Variants in B2M observed in about 807,000 individuals in gnomAD.
The protein encoded by B2M is beta chain of MHC class I molecules.
B2M carries 3 observed loss-of-function variants against 14.5 expected under a neutral mutation model. That is an observed-to-expected ratio of 0.21 (90% CI 0.09 to 0.53). B2M has a LOEUF of 0.53. Ranked by LOEUF, B2M falls within the 20% of genes least tolerant of loss-of-function variation. B2M has a pLI of 0.95. For missense variants in B2M, 107 were observed against 140.8 expected (o/e 0.76, Z 1.21); for synonymous variants, 45 against 52.7 (o/e 0.85, Z 0.64).
At chr15:44,712,794 T>C (rs1394146769) in intron 1 of B2M, 2 of 152,370 alleles carry the variant, frequency 1.3e-5, no homozygotes, top group East Asian at 3.8e-4. Context: ...AGGTCCGTAG[T>C]TGAGACCAGC....
intron 1 of B2M, chr15:44,714,948 G>A: frequency 4.5e-5 from 9 of 200,738 alleles, no homozygotes; most frequent in East Asian, 1.4e-4. Context: ...AAAAATGGAA[G>A]GGGTGGAAAC....
At chr15:44,716,254 A>T (rs1595999893) in intron 2 of B2M, 75 bp from the exon 3 acceptor site, 2 of 1,511,420 alleles carry the variant, frequency 1.3e-6, no homozygotes, top group East Asian at 4.5e-5. Flanking sequence ...ACCATTTTAG[A>T]CATTTGTTAG....
At chr15:44,711,982 G>C (rs951882518) in intron 1 of B2M, 27 of 416,850 alleles carry the variant, frequency 6.5e-5, no homozygotes, top group South Asian at 4.8e-4. Flanking sequence ...CAGCTGGAGT[G>C]GGGGACGGGT....
intron 1 of B2M, chr15:44,714,957 A>G: frequency 4.5e-6 from 1 of 220,858 alleles, no homozygotes; most frequent in Non-Finnish European, 9.2e-6. Context: ...AGGGGTGGAA[A>G]CAGAGTACAA....
chr15:44,713,928 G>T (rs1439638176), intron 1 of B2M: 1 of 152,252 alleles, frequency 6.6e-6, no homozygotes, highest in East Asian at 1.9e-4. Context: ...AGACAAGGAG[G>T]AGTAGCTGCC....
At chr15:44,714,401 G>A (rs2086918898) in intron 1 of B2M, 1 of 151,982 alleles carries the variant, frequency 6.6e-6, no homozygotes. Context: ...CAAAGTCAGA[G>A]AGGGGTCTGG....
chr15:44,716,598 T>C, intron 3 of B2M: 1 of 567,480 alleles, frequency 1.8e-6, no homozygotes, highest in Non-Finnish European at 3.1e-6. Context: ...ACTGCCAGTA[T>C]GGTATTGCAG....
chr15:44,716,570 TA>T, intron 3 of B2M: 1 of 600,794 alleles, frequency 1.7e-6, no homozygotes, highest in Non-Finnish European at 2.9e-6. Context: ...ACTGACCCTC[TA>T]CAGAGAGGGC....
intron 1 of B2M, 148 bp downstream of exon 1, chr15:44,711,761 G>C (rs1000272307): frequency 9.2e-7 from 1 of 1,084,406 alleles, no homozygotes; most frequent in Non-Finnish European, 1.4e-6. Flanking sequence ...CTGGATCTCG[G>C]GGAAGCGGCG....
At chr15:44,716,552 G>A in intron 3 of B2M, 196 bp downstream of exon 3, 2 of 633,164 alleles carry the variant, frequency 3.2e-6, no homozygotes, top group Admixed American at 5.6e-5. Context: ...CCCAGGTATG[G>A]CCATATTACT....
Position 44,718,045 on chromosome 15 carries a change from A to G in B2M, c.*453A>G, listed in dbSNP as rs936455997. On this transcript the variant is annotated 3_prime_UTR_variant, in exon 4 of 4. Transcript: ENST00000648006. ...TAATGAATGAAACATTTTGTCATAT[A>G]AGATTCATATTTACTTCTTATACAT... 32 of 152,244 alleles carry G rather than the reference A, an allele frequency of 2.1e-4. No individual in the cohort carries two copies. Among genetic ancestry groups the G allele is most frequent in the African/African-American group, 7.5e-4 (31 of 41,452 alleles). The allele number at this position is 152,244 out of a possible 1,614,324, so 9.4% of individuals were successfully genotyped here.
At chr15:44,714,932 A>C in intron 1 of B2M, 2 of 204,552 alleles carry the variant, frequency 9.8e-6, no homozygotes, top group Non-Finnish European at 1.0e-5. Context: ...GCATAAACAT[A>C]AGAAAAAAAA....
intron 3 of B2M, chr15:44,716,568 T>G (rs1157517723): frequency 5.0e-6 from 3 of 603,740 alleles, no homozygotes; most frequent in Non-Finnish European, 8.7e-6. Flanking sequence ...TTACTGACCC[T>G]CTACAGAGAG....
intron 1 of B2M, chr15:44,713,671 CAG>C (rs1461829612): frequency 6.6e-6 from 1 of 152,236 alleles, no homozygotes; most frequent in African/African-American, 2.4e-5. Flanking sequence ...TTCCCTCAAA[CAG>C]AGAGTTCCAG....
chr15:44,712,296 A>C (rs2086884738), intron 1 of B2M, among the ~76,000 whole-genome samples: 1 of 152,238 alleles, frequency 6.6e-6, no homozygotes. Context: ...AAAAATTATA[A>C]GAACTACCCG....
In B2M at chr15:44,712,550, AT is replaced by A. The variant is rs369960697; in HGVS notation, c.67+946del. On this transcript the variant is annotated intron_variant, in intron 1 of 3. Transcript: ENST00000648006. ...CATGCCTTTTGGCTGTAATTCGTGC[AT>A]TTTTTTTTAAGAAAAACGCCTGCCT... 1.1e-4 allele frequency among the ~76,000 whole-genome samples: 17 copies of A among 151,738 alleles called. No homozygotes were observed. In the South Asian group the frequency reaches 2.9e-3, roughly 26 times the overall value.
At chr15:44,716,203 A>T in intron 2 of B2M, 126 bp from the exon 3 acceptor site, 2 of 1,117,200 alleles carry the variant, frequency 1.8e-6, no homozygotes, top group Admixed American at 1.9e-5. Context: ...CAATGTATTC[A>T]TGGGTAGGAA....
Position 44,716,351 on chromosome 15 carries a change from A to G in B2M, c.*9A>G, listed in dbSNP as rs748847688. 2 of 1,612,112 alleles carry G rather than the reference A, an allele frequency of 1.2e-6. No individual in the cohort carries two copies. The highest frequency in any genetic ancestry group is 1.7e-6 in the Non-Finnish European group (2 of 1,178,168). The stretch of plus-strand genomic sequence containing the variant: ...TAGATCGAGACATGTAAGCAGCATC[A>G]TGGAGGTAAGTTTTTGACCTTGAGA... On this transcript the variant is annotated 3_prime_UTR_variant, in exon 3 of 4. Transcript: ENST00000648006.
At chr15:44,711,914 C>T in intron 1 of B2M, 1 of 557,278 alleles carries the variant, frequency 1.8e-6, no homozygotes, top group Non-Finnish European at 3.2e-6. Flanking sequence ...GTCAGAGCGC[C>T]GAGGTTGGGG....
Sources: gnomAD v4.1 joint callset for allele counts (sites outside exome capture counted in the v4.1 genomes callset) on GRCh38, gnomAD v4.1.1 for gene constraint, MANE v1.5 for transcripts, NCBI Gene and HGNC (gene_info 2026-07-23, HGNC 2026-07-21) for gene names.